The following TALDO1 variants were observed in gnomAD, a reference collection of about 807,000 sequenced individuals.
TALDO1 encodes the protein transaldolase.
TALDO1 carries 29 observed loss-of-function variants against 38.1 expected under a neutral mutation model. That is an observed-to-expected ratio of 0.76 (90% CI 0.57 to 1.04). The LOEUF is 1.04. Among genes scored for constraint, TALDO1 ranks in the 50% least tolerant of loss-of-function variants. The pLI is 0.00. For synonymous variants in TALDO1, 207 were observed against 176.8 expected (o/e 1.17, Z -1.36); for missense variants, 499 against 438.1 (o/e 1.14, Z -1.24).
Position 763,939 on chromosome 11 carries a change from A to G in TALDO1, c.830A>G (p.Lys277Arg), listed in dbSNP as rs774217411. ...AAGCTGGTGCCTGTGCTCTCAGCCA[A>G]GGCGGGTGAGGCCCCACTGCCCAGC... Reference protein sequence around the residue: ...NAKLVPVLSAKAAQASDLEKI... With the variant: ...NAKLVPVLSARAAQASDLEKI... The change falls in exon 6 of 8, where the codon AAG becomes AGG. Residue 277 changes from lysine (K) to arginine (R), a missense_variant. Coordinates refer to ENST00000319006, the MANE Select transcript of TALDO1 (RefSeq NM_006755.2). 6.2e-7 allele frequency: 1 copy of G among 1,608,190 alleles called. No homozygotes were observed.
In TALDO1 at chr11:755,954, A is replaced by C. The variant is rs1440882021; in HGVS notation, c.173A>C (p.Tyr58Ser). 8 of 1,613,940 alleles carry C rather than the reference A, an allele frequency of 5.0e-6. No homozygotes were observed. In the South Asian group the frequency reaches 8.8e-5, roughly 18 times the overall value. The change falls in exon 2 of 8, where the codon TAC becomes TCC. Residue 58 changes from tyrosine to serine, a missense_variant. By Grantham distance (144) the Tyr-to-Ser change is moderately radical (BLOSUM62 -2). Coordinates refer to ENST00000319006, the MANE Select transcript of TALDO1 (RefSeq NM_006755.2). ...CTGGCCGCAGCACAGATGCCCGCTT[A>C]CCAGGAGCTGGTGGAGGAGGCGATT... ...LILAAAQMPA[Y>S]QELVEEAIAY...
intron 2 of TALDO1, 95 bp downstream of exon 2, chr11:756,097 C>T (rs1413295441): frequency 2.0e-6 from 3 of 1,505,214 alleles, no homozygotes; most frequent in Non-Finnish European, 2.7e-6. Flanking sequence ...TTCTCAAACA[C>T]CATGAACTCA....
At chr11:757,694 A>T (rs1862861508) in intron 2 of TALDO1, among the ~76,000 whole-genome samples, 1 of 152,208 alleles carries the variant, frequency 6.6e-6, no homozygotes, top group African/African-American at 2.4e-5. Flanking sequence ...CATGGACTTC[A>T]CTGGGTGTCT....
At chr11:747,967 C>A (rs1388031131) in intron 1 of TALDO1, among the ~76,000 whole-genome samples, 3 of 152,208 alleles carry the variant, frequency 2.0e-5, no homozygotes, top group Non-Finnish European at 4.4e-5. Context: ...GCCTCGCCCT[C>A]CGCCCAGGGT....
At chr11:754,613 G>A (rs367808285) in intron 1 of TALDO1, among the ~76,000 whole-genome samples, 37 of 149,950 alleles carry the variant, frequency 2.5e-4, no homozygotes, top group African/African-American at 9.1e-4. Flanking sequence ...CTGGGATTAC[G>A]GGCATGTGTC....
intron 5 of TALDO1, 69 bp downstream of exon 5, chr11:763,588 G>A (rs1443771608): frequency 3.3e-5 from 53 of 1,600,244 alleles, no homozygotes; most frequent in Admixed American, 1.8e-4. Context: ...GGAAGAGCCC[G>A]AGACGGAGCT....
At chr11:758,674 T>A (rs11246304) in intron 2 of TALDO1, among the ~76,000 whole-genome samples, 1 of 151,638 alleles carries the variant, frequency 6.6e-6, no homozygotes, top group Non-Finnish European at 1.5e-5. Flanking sequence ...GCACGATCTC[T>A]GCTCACTGCA....
intron 1 of TALDO1, among the ~76,000 whole-genome samples, chr11:748,036 G>GC (rs1000487116): frequency 4.6e-5 from 7 of 152,372 alleles, no homozygotes; most frequent in African/African-American, 1.7e-4. Context: ...GCCCGCGGGA[G>GC]CCCCTCTGTG....
chr11:764,066 G>A (rs1863007264), intron 6 of TALDO1, 122 bp downstream of exon 6: 1 of 1,366,640 alleles, frequency 7.3e-7, no homozygotes, highest in Non-Finnish European at 1.0e-6. Context: ...ACATGAGGGT[G>A]AAGTAGACCT....
chr11:753,976 A>G (rs536235570), intron 1 of TALDO1, among the ~76,000 whole-genome samples: 3 of 151,562 alleles, frequency 2.0e-5, no homozygotes, highest in Non-Finnish European at 4.4e-5. Flanking sequence ...GGTTACTCTG[A>G]AGAAAAAAAC....
At chr11:756,999 C>A (rs888562320) in intron 2 of TALDO1, among the ~76,000 whole-genome samples, 2 of 152,176 alleles carry the variant, frequency 1.3e-5, no homozygotes, top group African/African-American at 4.8e-5. Flanking sequence ...GAAGATGGTG[C>A]CGAGCAGGCA....
chr11:755,608 C>T (rs1055628423), intron 1 of TALDO1: 9 of 480,714 alleles, frequency 1.9e-5, no homozygotes, highest in Non-Finnish European at 2.7e-5. Context: ...GCTGTCGCAC[C>T]GCTCACTCCC....
chr11:747,764 C>T (rs1312672421), intron 1 of TALDO1, among the ~76,000 whole-genome samples, 186 bp downstream of exon 1: 2 of 151,794 alleles, frequency 1.3e-5, no homozygotes, highest in African/African-American at 2.4e-5. Context: ...GAGCGGGGCC[C>T]GGGTCGGCCG....
intron 1 of TALDO1, among the ~76,000 whole-genome samples, chr11:750,249 T>C (rs779591013): frequency 6.6e-6 from 1 of 152,064 alleles, no homozygotes; most frequent in Non-Finnish European, 1.5e-5. Context: ...TCTACCTCTA[T>C]AGTTTTGTCA....
chr11:756,006 A>C lies in TALDO1; in HGVS notation c.221+4A>C. On this transcript the variant is annotated splice_donor_region_variant and intron_variant, in intron 2 of 7. Coordinates refer to ENST00000319006, the MANE Select transcript of TALDO1 (RefSeq NM_006755.2). Reference sequence around the variant, plus strand: ...CCTATGGCCGGAAGCTGGGCGGGTGAGTGCCTGGACTCGGGAGGGTCCCAG... The same window carrying C: ...CCTATGGCCGGAAGCTGGGCGGGTGCGTGCCTGGACTCGGGAGGGTCCCAG... 6.2e-7 allele frequency: 1 copy of C among 1,612,334 alleles called. No individual in the cohort carries two copies. Among genetic ancestry groups the C allele is most frequent in the South Asian group, 1.1e-5 (1 of 90,856 alleles).
chr11:747,578 G>C lies in TALDO1; in HGVS notation c.97G>C (p.Ala33Pro), dbSNP rs1218856806. 1 of 1,573,560 alleles carries C rather than the reference G, an allele frequency of 6.4e-7. No homozygotes were observed. Among genetic ancestry groups the C allele is most frequent in the Non-Finnish European group, 8.6e-7 (1 of 1,162,834 alleles). ...GGTGGCCGACACGGGCGACTTCCAC[G>C]GTGAGGACGGCGCGGAGCCCGGGCG... The part of the protein sequence containing the change: ...TVVADTGDFH[A>P]IDEYKPQDAT... The change falls in exon 1 of 8, where the codon GCC (alanine) becomes CCC (proline). Residue 33 changes from alanine to proline, a missense_variant and splice_region_variant. Coordinates refer to ENST00000319006, the MANE Select transcript of TALDO1 (RefSeq NM_006755.2).
intron 1 of TALDO1, among the ~76,000 whole-genome samples, chr11:755,388 C>T (rs1862816802): frequency 2.0e-5 from 3 of 152,124 alleles, no homozygotes; most frequent in African/African-American, 7.2e-5. Context: ...TCGTGATCCA[C>T]CCGCTTCAGC....
intron 4 of TALDO1, among the ~76,000 whole-genome samples, chr11:761,920 G>A (rs1037347922): frequency 2.5e-4 from 38 of 152,152 alleles, no homozygotes; most frequent in African/African-American, 8.7e-4. Context: ...CCAAAGTGCT[G>A]GGATTATAGG....
intron 2 of TALDO1, among the ~76,000 whole-genome samples, chr11:758,510 T>A (rs1862879493): frequency 6.6e-6 from 1 of 151,310 alleles, no homozygotes; most frequent in African/African-American, 2.4e-5. Context: ...AATAAAAAAA[T>A]GTTTTAAGAG....
Sources: allele counts gnomAD v4.1 joint callset (sites outside exome capture counted in the v4.1 genomes callset), GRCh38; gene constraint gnomAD v4.1.1; transcripts MANE v1.5; gene names NCBI Gene and HGNC (gene_info 2026-07-23, HGNC 2026-07-21).